The following CD8B2 variants were observed in gnomAD, a reference collection of about 807,000 sequenced individuals.
CD8B2 encodes the protein CD8B family member 2.
CD8B2 carries 11 observed loss-of-function variants against 23.7 expected under a neutral mutation model. The ratio of observed to expected loss-of-function variants is 0.46; its 90% CI spans 0.29 to 0.77. The LOEUF (loss-of-function observed/expected upper bound fraction) is 0.77. Ranked by LOEUF, CD8B2 falls within the 30% of genes least tolerant of loss-of-function variation. The probability of loss-of-function intolerance (pLI) is 0.09; values close to 1 mark genes in which losing one functional copy is unlikely to be tolerated. For synonymous variants in CD8B2, 90 were observed against 109.3 expected, an observed-to-expected ratio of 0.82 and a Z score of 1.10; for missense variants, 197 against 270.5, an observed-to-expected ratio of 0.73 and a Z score of 1.91.
intron 1 of CD8B2, among the ~76,000 whole-genome samples, chr2:106,488,155 C>A (rs1351360022): frequency 6.6e-6 from 1 of 152,070 alleles, no homozygotes; most frequent in African/African-American, 2.4e-5. Flanking sequence ...GATTTGCTCT[C>A]GTGCCCAAAA....
intron 5 of CD8B2, among the ~76,000 whole-genome samples, chr2:106,524,438 G>A (rs1165510466): frequency 6.6e-6 from 1 of 152,178 alleles, no homozygotes. Context: ...TGTTCAGCTG[G>A]AGAACTGCCC....
intron 3 of CD8B2, among the ~76,000 whole-genome samples, chr2:106,497,713 A>T (rs528632633): frequency 1.3e-3 from 199 of 152,334 alleles, no homozygotes; most frequent in Non-Finnish European, 2.6e-3. Context: ...GTAAAAAGAA[A>T]ATCAGAACCA....
chr2:106,510,579 A>T lies in CD8B2; in HGVS notation c.*3639A>T, dbSNP rs1679608612. ...CCTCGACTCTACAAAAAATTTTTAA[A>T]TTTTTTTCTGGGCATGGTGGTGCTT... On this transcript the variant is annotated 3_prime_UTR_variant, in exon 6 of 6. Coordinates refer to ENST00000643224, the MANE Select transcript of CD8B2 (RefSeq NM_001349727.2). The T allele has an allele frequency of 6.6e-6, 1 of 151,870 alleles. No individual in the cohort carries two copies. The highest frequency in any genetic ancestry group is 2.4e-5 in the African/African-American group (1 of 41,328). 9.4% of individuals were successfully genotyped at this position (151,870 alleles called of 1,614,324 possible).
intron 5 of CD8B2, among the ~76,000 whole-genome samples, chr2:106,516,301 G>A (rs940842911): frequency 2.6e-5 from 4 of 152,136 alleles, no homozygotes; most frequent in East Asian, 1.9e-4. Context: ...ATCCTGAAGC[G>A]AAGGAGCACC....
chr2:106,489,387 G>A (rs1679147631), intron 1 of CD8B2, among the ~76,000 whole-genome samples: 1 of 151,636 alleles, frequency 6.6e-6, no homozygotes, highest in Non-Finnish European at 1.5e-5. Context: ...CATCAGTGTT[G>A]GAGAAGGCCA....
intron 5 of CD8B2, among the ~76,000 whole-genome samples, chr2:106,520,441 G>A (rs1679806395): frequency 6.6e-6 from 1 of 152,166 alleles, no homozygotes. Context: ...ACTGGGGGTA[G>A]GTGGTTCTCA....
rs1573337501 is a variant in CD8B2 at position 106,507,076 on chromosome 2, T to C, written c.*136T>C. 6 of 1,514,884 alleles carry C rather than the reference T, an allele frequency of 4.0e-6. No individual in the cohort carries two copies. The highest frequency in any genetic ancestry group is 5.3e-6 in the Non-Finnish European group (6 of 1,132,184). The allele number at this position is 1,514,884 out of a possible 1,614,324, so 93.8% of individuals were successfully genotyped here. ...GCTGAAGCTGCCTGCTTTTCACTGC[T>C]GCAAGGCCTTTCTGTGTGTGACGTG... On this transcript the variant is annotated 3_prime_UTR_variant, in exon 6 of 6. Transcript: ENST00000643224.
At chr2:106,513,910 T>C (rs1268071827), downstream of CD8B2, among the ~76,000 whole-genome samples, 1 of 152,186 alleles carries the variant, frequency 6.6e-6, no homozygotes, top group Admixed American at 6.5e-5. Context: ...CTGATGCTTC[T>C]GGTTTGGAAA....
downstream of CD8B2, among the ~76,000 whole-genome samples, chr2:106,515,101 C>T (rs879831936): frequency 2.0e-5 from 3 of 152,204 alleles, no homozygotes; most frequent in Non-Finnish European, 4.4e-5. Flanking sequence ...TACAGACACA[C>T]CCAGGAAAAG....
chr2:106,524,777 A>C (rs988943023), intron 5 of CD8B2, among the ~76,000 whole-genome samples: 2 of 152,092 alleles, frequency 1.3e-5, no homozygotes, highest in Non-Finnish European at 2.9e-5. Flanking sequence ...TATTTTTGCC[A>C]GTGCAAACTG....
At chr2:106,511,178 G>C (rs569973219), downstream of CD8B2, 1 of 152,296 alleles carries the variant, frequency 6.6e-6, no homozygotes, top group South Asian at 2.1e-4. Context: ...CTGAACCATG[G>C]AAATCACGGT....
intron 5 of CD8B2, among the ~76,000 whole-genome samples, chr2:106,506,213 T>A (rs1679503013): frequency 6.6e-6 from 1 of 152,094 alleles, no homozygotes; most frequent in Admixed American, 6.5e-5. Flanking sequence ...TCTCTGGTAC[T>A]AACTGTGGTC....
chr2:106,487,486 C>A lies in CD8B2; in HGVS notation c.43+17C>A. ...AGCTGACAGGTAAGGCGGCGGCGCG[C>A]GGGCTGCCCAAGGTCTGCGCTCCCG... On this transcript the variant is annotated intron_variant, in intron 1 of 5. Transcript: ENST00000643224. The A allele has an allele frequency of 1.6e-6, 2 of 1,239,412 alleles. No individual in the cohort carries two copies. Among genetic ancestry groups the A allele is most frequent in the Middle Eastern group, 3.1e-4 (1 of 3,228 alleles). 76.8% of individuals were successfully genotyped at this position (1,239,412 alleles called of 1,614,324 possible).
chr2:106,524,847 G>C (rs1679886482), intron 5 of CD8B2, among the ~76,000 whole-genome samples: 1 of 152,122 alleles, frequency 6.6e-6, no homozygotes, highest in Non-Finnish European at 1.5e-5. Context: ...AAAACTGGGT[G>C]CCTCTGCCCT....
At chr2:106,520,855 G>A (rs754268676) in intron 5 of CD8B2, among the ~76,000 whole-genome samples, 17 of 152,092 alleles carry the variant, frequency 1.1e-4, no homozygotes, top group Non-Finnish European at 1.9e-4. Flanking sequence ...GGGCGAGAGC[G>A]TGAGACTCTG....
chr2:106,513,550 C>T (rs1175809584), downstream of CD8B2, among the ~76,000 whole-genome samples: 28 of 150,330 alleles, frequency 1.9e-4, no homozygotes, highest in East Asian at 5.9e-4. Flanking sequence ...GGCAAAGTTA[C>T]GAGGGGAAGA....
At chr2:106,522,126 T>C (rs1298413752) in intron 5 of CD8B2, 1 of 152,222 alleles carries the variant, frequency 6.6e-6, no homozygotes, top group Non-Finnish European at 1.5e-5. Flanking sequence ...CACTCGCTTG[T>C]TTCTCCTCCT....
In CD8B2 at chr2:106,503,353, C is replaced by T. The variant is rs571962975; in HGVS notation, c.583+790C>T. ...TAGGTCACAGACCCCTTTGAACATACGATGAAAATAACGGACCTCTCCCCA... is the reference window on the plus strand; with the variant it reads ...TAGGTCACAGACCCCTTTGAACATATGATGAAAATAACGGACCTCTCCCCA... On this transcript the variant is annotated intron_variant, in intron 4 of 5. Transcript: ENST00000643224. 1.0e-2 allele frequency among the ~76,000 whole-genome samples: 1,515 copies of T among 151,968 alleles called. 30 individuals carry two copies. Among genetic ancestry groups the T allele is most frequent in the African/African-American group, 0.034 (1,413 of 41,434 alleles).
chr2:106,504,154 G>A, intron 4 of CD8B2, 135 bp from the exon 5 acceptor site: 1 of 1,077,964 alleles, frequency 9.3e-7, no homozygotes, highest in East Asian at 2.6e-5. Flanking sequence ...TGTGTAAAGT[G>A]TTTGGGCCAG....
Sources: gnomAD v4.1 joint callset for allele counts (sites outside exome capture counted in the v4.1 genomes callset) on GRCh38, gnomAD v4.1.1 for gene constraint, MANE v1.5 for transcripts, NCBI Gene and HGNC (gene_info 2026-07-23, HGNC 2026-07-21) for gene names.